The following SLC26A7 variants were observed in gnomAD, a reference collection of about 807,000 sequenced individuals.
SLC26A7 encodes the protein solute carrier family 26 member 7, also known as anion exchange transporter.
A neutral mutation model predicts 82.5 loss-of-function variants in SLC26A7; 59 were observed. The ratio of observed to expected loss-of-function variants is 0.72; its 90% CI spans 0.58 to 0.89. The LOEUF (loss-of-function observed/expected upper bound fraction) is 0.89. SLC26A7 is among the 40% of genes least tolerant of loss of function. The pLI is 0.00. For missense variants in SLC26A7, 820 were observed against 793.0 expected (o/e 1.03, Z -0.41); for synonymous variants, 271 against 274.3 (o/e 0.99, Z 0.12).
chr8:91,254,773 T>G (rs2130704245), intron 2 of SLC26A7, among the ~76,000 whole-genome samples: 1 of 152,320 alleles, frequency 6.6e-6, no homozygotes, highest in South Asian at 2.1e-4. Flanking sequence ...ACCACTTGTA[T>G]TTTTTAAAAA....
At chr8:91,274,938 G>C (rs1811367681) in intron 2 of SLC26A7, among the ~76,000 whole-genome samples, 1 of 152,142 alleles carries the variant, frequency 6.6e-6, no homozygotes, top group Non-Finnish European at 1.5e-5. Flanking sequence ...CCTCAAATTT[G>C]CCAAGGATGG....
intron 2 of SLC26A7, among the ~76,000 whole-genome samples, chr8:91,254,010 G>A (rs1810733421): frequency 1.3e-5 from 2 of 151,926 alleles, no homozygotes; most frequent in South Asian, 4.1e-4. Context: ...GATACTGATA[G>A]TAAAAAAATA....
chr8:91,301,757 T>G (rs191174219), intron 4 of SLC26A7, among the ~76,000 whole-genome samples: 5 of 152,108 alleles, frequency 3.3e-5, no homozygotes, highest in Admixed American at 2.6e-4. Flanking sequence ...GTTTGGTTGT[T>G]GCTCTTCTTC....
chr8:91,334,933 T>C (rs1355303260), intron 6 of SLC26A7, among the ~76,000 whole-genome samples: 3 of 152,316 alleles, frequency 2.0e-5, no homozygotes, highest in Admixed American at 1.3e-4. Context: ...ATGATTTTCA[T>C]TGGCCAAAGT....
rs1398321919 is a variant in SLC26A7, at chr8:91,249,820, T to G, written c.169T>G (p.Leu57Val). ...LLPDTVSGIM[L>V]AVQQVTQGLA... is the part of the protein sequence containing the mutation. ...TCCAGACACTGTGTCTGGGATAATG[T>G]TGGCAGTTCAACAGGTGACCCAAGG... The change falls in exon 2 of 19, where the codon TTG becomes GTG. Residue 57 changes from leucine (L) to valine (V), a missense_variant. Leu to Val is a conservative substitution (Grantham distance 32, BLOSUM62 1). Coordinates refer to ENST00000276609, the MANE Select transcript of SLC26A7 (RefSeq NM_052832.4). 6.2e-7 allele frequency: 1 copy of G among 1,606,664 alleles called. No homozygotes were observed. The highest frequency in any genetic ancestry group is 8.5e-7 in the Non-Finnish European group (1 of 1,177,496).
rs537148418 is a variant in SLC26A7, at chr8:91,291,297, C to T, written c.304+2051C>T. Among the ~76,000 whole-genome samples the T allele has an allele frequency of 5.1e-4, 78 of 152,162 alleles. No individual in the cohort carries two copies. The Middle Eastern group carries it at 0.01, about 20-fold the overall frequency. On this transcript the variant is annotated intron_variant, in intron 3 of 18. Coordinates refer to ENST00000276609, the MANE Select transcript of SLC26A7 (RefSeq NM_052832.4). ...AGGTGCATGGATTGCAACCCAGGTG[C>T]GACCAAATCTAAAGCACAAGCTTTT...
intron 1 of SLC26A7, among the ~76,000 whole-genome samples, chr8:91,211,031 A>G (rs1809905173): frequency 6.6e-6 from 1 of 152,184 alleles, no homozygotes; most frequent in Admixed American, 6.5e-5. Context: ...AGCAGCAGCA[A>G]TGAACTGACA....
chr8:91,329,905 A>G (rs1813031803), intron 5 of SLC26A7, among the ~76,000 whole-genome samples: 1 of 152,128 alleles, frequency 6.6e-6, no homozygotes, highest in Non-Finnish European at 1.5e-5. Flanking sequence ...GTAGTGGGCA[A>G]CTTTAAGCAA....
chr8:91,372,540 T>C (rs1227662366), intron 15 of SLC26A7, among the ~76,000 whole-genome samples: 1 of 152,046 alleles, frequency 6.6e-6, no homozygotes, highest in African/African-American at 2.4e-5. Context: ...CAATTGGTTA[T>C]AGGTATGTGG....
At chr8:91,379,143 G>C (rs1814598960) in intron 15 of SLC26A7, among the ~76,000 whole-genome samples, 1 of 151,880 alleles carries the variant, frequency 6.6e-6, no homozygotes, top group Admixed American at 6.6e-5. Flanking sequence ...TTTATTATGA[G>C]ACATTAAAAA....
At chr8:91,383,772 T>C (rs1433057489) in intron 15 of SLC26A7, among the ~76,000 whole-genome samples, 1 of 152,208 alleles carries the variant, frequency 6.6e-6, no homozygotes, top group African/African-American at 2.4e-5. Context: ...CTACCTCCAC[T>C]GCCTAGTCAT....
At chr8:91,215,992 G>A (rs899241344) in intron 1 of SLC26A7, among the ~76,000 whole-genome samples, 2 of 152,178 alleles carry the variant, frequency 1.3e-5, no homozygotes, top group African/African-American at 4.8e-5. Flanking sequence ...TACTAGAGAT[G>A]ATGAATCTAG....
intron 2 of SLC26A7, among the ~76,000 whole-genome samples, chr8:91,239,375 CAA>C (rs1219500630): frequency 0.053 from 4,480 of 83,942 alleles, 63 homozygotes; most frequent in East Asian, 0.087. Flanking sequence ...GACTCCGTCT[CAA>C]AAAAAAAAAA....
At chr8:91,324,432 C>T (rs1034896891) in intron 5 of SLC26A7, among the ~76,000 whole-genome samples, 1 of 152,172 alleles carries the variant, frequency 6.6e-6, no homozygotes, top group Non-Finnish European at 1.5e-5. Flanking sequence ...AATCATGACT[C>T]ATGTTTAAAG....
chr8:91,274,136 G>C (rs930053737), intron 2 of SLC26A7, among the ~76,000 whole-genome samples: 6 of 152,064 alleles, frequency 3.9e-5, no homozygotes, highest in African/African-American at 1.2e-4. Flanking sequence ...AGAATATAAG[G>C]TGCTCAGGGC....
intron 2 of SLC26A7, among the ~76,000 whole-genome samples, chr8:91,258,892 T>G (rs1810881721): frequency 6.6e-6 from 1 of 152,070 alleles, no homozygotes; most frequent in African/African-American, 2.4e-5. Flanking sequence ...AAAACTAAAT[T>G]TTGAGTTAGG....
chr8:91,280,583 A>G (rs1299499352), intron 2 of SLC26A7, among the ~76,000 whole-genome samples: 1 of 152,180 alleles, frequency 6.6e-6, no homozygotes, highest in Non-Finnish European at 1.5e-5. Context: ...CTCTTGTCAA[A>G]GTCAAAAGGA....
chr8:91,368,319 C>G (rs1814251269), intron 14 of SLC26A7, among the ~76,000 whole-genome samples: 1 of 152,078 alleles, frequency 6.6e-6, no homozygotes, highest in African/African-American at 2.4e-5. Context: ...GCAGCCTACA[C>G]TTAAGAAGCG....
rs754205706 is a variant in SLC26A7 at position 91,352,990 on chromosome 8, C to T, written c.1308C>T (p.Ile436=). ...AAAAATATTGGAATGTGGATAAAATCGATTGGGTAAGTAGAAATTTGACCT... is the reference window on the plus strand; with the variant it reads ...AAAAATATTGGAATGTGGATAAAATTGATTGGGTAAGTAGAAATTTGACCT... ...DLKKYWNVDK[I]DWGIWVSTYV... Residue 436 remains isoleucine, a synonymous_variant, in exon 11 of 19, where the codon ATC becomes ATT. Coordinates refer to ENST00000276609, the MANE Select transcript of SLC26A7 (RefSeq NM_052832.4). 1.9e-6 allele frequency: 3 copies of T among 1,603,088 alleles called. No individual in the cohort carries two copies. Among genetic ancestry groups the T allele is most frequent in the Non-Finnish European group, 2.6e-6 (3 of 1,174,248 alleles).
Sources: allele counts gnomAD v4.1 joint callset (sites outside exome capture counted in the v4.1 genomes callset), GRCh38; gene constraint gnomAD v4.1.1; transcripts MANE v1.5; gene names NCBI Gene and HGNC (gene_info 2026-07-23, HGNC 2026-07-21).